The following PCNT variants were observed in gnomAD, a reference collection of about 807,000 sequenced individuals.
PCNT encodes pericentrin.
Under a neutral mutation model 380.4 loss-of-function variants are expected in PCNT, and 319 were observed. The ratio of observed to expected loss-of-function variants is 0.84; its 90% CI spans 0.77 to 0.92. The LOEUF is 0.92. PCNT is among the 40% of genes least tolerant of loss of function. PCNT has a pLI of 0.00. For synonymous variants in PCNT, 1,845 were observed against 1,735.2 expected, an observed-to-expected ratio of 1.06 and a Z score of -1.57; for missense variants, 4,400 against 4,255.3, an observed-to-expected ratio of 1.03 and a Z score of -0.95.
At chr21:46,368,903 C>T (rs1013964202) in intron 15 of PCNT, among the ~76,000 whole-genome samples, 1 of 152,250 alleles carries the variant, frequency 6.6e-6, no homozygotes, top group Non-Finnish European at 1.5e-5. Context: ...TTCCTGATAC[C>T]AGCATGCCAC....
intron 14 of PCNT, among the ~76,000 whole-genome samples, chr21:46,366,264 C>G (rs554141873): frequency 4.6e-5 from 7 of 152,296 alleles, no homozygotes; most frequent in South Asian, 4.1e-4. Flanking sequence ...TTGGTTGTGC[C>G]TGCCGTGCGT....
intron 15 of PCNT, among the ~76,000 whole-genome samples, chr21:46,371,733 C>A (rs1425821444): frequency 6.6e-6 from 1 of 152,224 alleles, no homozygotes; most frequent in Non-Finnish European, 1.5e-5. Flanking sequence ...GTGCACCTGC[C>A]CCATCCAGGC....
Position 46,366,721 on chromosome 21 carries a change from C to T in PCNT, c.2747C>T (p.Thr916Met), listed in dbSNP as rs746009721. Residue 916 changes from threonine (T) to methionine (M), a missense_variant, in exon 15 of 47, where the codon ACG becomes ATG. Physicochemically the swap from Thr to Met is moderately conservative, Grantham distance 81. Transcript: ENST00000359568. Reference protein sequence around the residue: ...ERHQQQLLSVTAELEARHQAA... With the variant: ...ERHQQQLLSVMAELEARHQAA... ...CACCAGCAGCAGCTCCTGTCAGTGA[C>T]GGCGGAGCTCGAGGCCAGACACCAG... 4.7e-5 allele frequency: 76 copies of T among 1,613,514 alleles called. No individual in the cohort carries two copies. Among genetic ancestry groups the T allele is most frequent in the Non-Finnish European group, 5.8e-5 (68 of 1,180,050 alleles).
rs9977819 is a variant in PCNT, at chr21:46,359,650, G to A, written c.2154+2459G>A. Among the ~76,000 whole-genome samples, 124 of 139,044 alleles carry A rather than the reference G, an allele frequency of 8.9e-4. 11 individuals carry two copies. Among genetic ancestry groups the A allele is most frequent in the African/African-American group, 3.0e-3 (114 of 37,606 alleles). 91.2% of individuals were successfully genotyped at this position (139,044 alleles called of 152,430 possible). A position where few individuals can be genotyped will look rare whatever the true frequency, so the allele number is the denominator to read the frequency against. ...ACTACAGGCACGTGCCACCACACCCGGCTAATTTTTGTATTTTTAATAGAG... is the reference window on the plus strand; with the variant it reads ...ACTACAGGCACGTGCCACCACACCCAGCTAATTTTTGTATTTTTAATAGAG... On this transcript the variant is annotated intron_variant, in intron 13 of 46. Transcript: ENST00000359568.
chr21:46,380,590 C>T (rs1176861301), intron 15 of PCNT, among the ~76,000 whole-genome samples: 2 of 152,008 alleles, frequency 1.3e-5, no homozygotes, highest in African/African-American at 4.8e-5. Flanking sequence ...CCCCACCCCA[C>T]CCCAGCAGCT....
intron 1 of PCNT, chr21:46,325,112 C>T (rs1474739776): frequency 2.0e-6 from 2 of 985,388 alleles, no homozygotes; most frequent in African/African-American, 3.5e-5. Context: ...TCCTAGGTTT[C>T]GTGGGAATAA....
chr21:46,400,512 C>CTTTTTTTTTTTT, intron 25 of PCNT, among the ~76,000 whole-genome samples: 1 of 84,540 alleles, frequency 1.2e-5, no homozygotes, highest in Non-Finnish European at 2.2e-5. Context: ...GTGTCTGATT[C>CTTTTTTTTTTTT]TTTTTTTTTT....
chr21:46,366,274 T>G (rs1356441259), intron 14 of PCNT, among the ~76,000 whole-genome samples: 1 of 152,156 alleles, frequency 6.6e-6, no homozygotes, highest in Non-Finnish European at 1.5e-5. Flanking sequence ...CTGCCGTGCG[T>G]GGCTCTGGCG....
In PCNT at chr21:46,444,829, A is replaced by G. The variant is rs2053711273; in HGVS notation, c.9967+8A>G. Reference sequence around the variant, plus strand: ...TGGGAGGGGTACTACCAGGTAATGCAAGTCCTCGCCGAGTATTTATTAAGC... The same window carrying G: ...TGGGAGGGGTACTACCAGGTAATGCGAGTCCTCGCCGAGTATTTATTAAGC... On this transcript the variant is annotated splice_region_variant and intron_variant, in intron 46 of 46. Transcript: ENST00000359568. 6 of 1,612,528 alleles carry G rather than the reference A, an allele frequency of 3.7e-6. No homozygotes were observed. Among genetic ancestry groups the G allele is most frequent in the Non-Finnish European group, 5.1e-6 (6 of 1,178,698 alleles).
intron 33 of PCNT, among the ~76,000 whole-genome samples, chr21:46,426,826 C>T (rs1270745163): frequency 2.0e-5 from 3 of 152,220 alleles, no homozygotes; most frequent in Admixed American, 1.3e-4. Context: ...CATCTCCGTG[C>T]CCACCCTGTC....
At chr21:46,377,610 G>A (rs913717731) in intron 15 of PCNT, among the ~76,000 whole-genome samples, 1 of 152,072 alleles carries the variant, frequency 6.6e-6, no homozygotes, top group Non-Finnish European at 1.5e-5. Flanking sequence ...CGTGCCTATA[G>A]TCCCAGCACC....
At chr21:46,413,998 T>C (rs2086909538) in intron 29 of PCNT, among the ~76,000 whole-genome samples, 2 of 150,096 alleles carry the variant, frequency 1.3e-5, no homozygotes, top group African/African-American at 4.9e-5. Context: ...TTCTCTCTTT[T>C]TTTTTTTTTT....
chr21:46,324,714 C>T (rs565577144), intron 1 of PCNT: 40 of 219,726 alleles, frequency 1.8e-4, no homozygotes, highest in African/African-American at 7.5e-4. Flanking sequence ...GCTCCCGCGT[C>T]CTCCGGGACC....
Position 46,438,202 on chromosome 21 carries a change from C to T in PCNT, c.9138C>T (p.Asp3046=), listed in dbSNP as rs141856476. ...MAAELQFQFV[D]VLLKDNVSLT... is the part of the protein sequence containing the mutation. ...CAGAGCTGCAGTTCCAGTTTGTGGA[C>T]GTCCTGCTGAAAGACAATGTTTCCC... The change falls in exon 41 of 47, where the codon GAC becomes GAT. Residue 3046 remains aspartate (D), a synonymous_variant. Transcript: ENST00000359568. 564 of 1,613,992 alleles carry T rather than the reference C, an allele frequency of 3.5e-4. No individual in the cohort carries two copies. The highest frequency in any genetic ancestry group is 4.6e-4 in the Non-Finnish European group (541 of 1,179,942).
rs2085512803 is a variant in PCNT, at chr21:46,381,021, AC to A, written c.3166-672del. ...CCCTATCTCTACTAAAAGAAAAATT[AC>A]AAAAATTAGTTGAGTGTGGTGGCAG... On this transcript the variant is annotated intron_variant, in intron 15 of 46. Transcript: ENST00000359568. Among the ~76,000 whole-genome samples, 5 of 152,144 alleles carry A rather than the reference AC, an allele frequency of 3.3e-5. No individual in the cohort carries two copies. The South Asian group carries it at 1.0e-3, about 32-fold the overall frequency.
Position 46,381,761 on chromosome 21 carries a change from C to T in PCNT, c.3233C>T (p.Ala1078Val). ...EKEETLRLQS[A>V]QAQPFHQEEK... ...GAGGAGACACTTCGGCTTCAGAGTG[C>T]ACAGGCACAGCCTTTTCACCAAGAG... is the stretch of plus-strand genomic sequence containing the variant. The change falls in exon 16 of 47, where the codon GCA becomes GTA. Residue 1078 changes from alanine to valine, a missense_variant. By Grantham distance (64) the Ala-to-Val change is moderately conservative. Coordinates refer to ENST00000359568, the MANE Select transcript of PCNT (RefSeq NM_006031.6). 1.2e-6 allele frequency: 2 copies of T among 1,614,124 alleles called. No individual in the cohort carries two copies. Among genetic ancestry groups the T allele is most frequent in the Middle Eastern group, 1.6e-4 (1 of 6,062 alleles).
intron 15 of PCNT, among the ~76,000 whole-genome samples, chr21:46,370,146 G>T (rs1187273020): frequency 6.6e-6 from 1 of 151,858 alleles, no homozygotes; most frequent in Non-Finnish European, 1.5e-5. Context: ...AGTGGGGTCT[G>T]TGCTCAAAGA....
chr21:46,330,047 A>C (rs2083508193), intron 2 of PCNT, among the ~76,000 whole-genome samples: 1 of 152,184 alleles, frequency 6.6e-6, no homozygotes. Context: ...TTTCCACAGA[A>C]TTCCTGACAT....
intron 21 of PCNT, among the ~76,000 whole-genome samples, chr21:46,392,910 T>C (rs2086081731): frequency 6.6e-6 from 1 of 152,280 alleles, no homozygotes; most frequent in Non-Finnish European, 1.5e-5. Flanking sequence ...TCTTTTTTAA[T>C]ACTCTGTTTT....
Sources: gnomAD v4.1 joint callset for allele counts (sites outside exome capture counted in the v4.1 genomes callset) on GRCh38, gnomAD v4.1.1 for gene constraint, MANE v1.5 for transcripts, NCBI Gene and HGNC (gene_info 2026-07-23, HGNC 2026-07-21) for gene names.